The following MTG1 variants were observed in gnomAD, a reference collection of about 807,000 sequenced individuals.
The protein encoded by MTG1 is mitochondrial ribosome-associated GTPase 1.
In MTG1, 30 loss-of-function variants were observed where a neutral mutation model predicts 39.5. That is an observed-to-expected ratio of 0.76 (90% confidence interval 0.57 to 1.03). MTG1 has a LOEUF of 1.03. MTG1 is among the 50% of genes least tolerant of loss of function. The pLI, the probability that MTG1 is intolerant of heterozygous loss-of-function variation, is 0.00. For synonymous variants in MTG1, 217 were observed against 179.0 expected (o/e 1.21, Z -1.69); for missense variants, 513 against 447.4 (o/e 1.15, Z -1.32).
chr10:133,398,685 T>A (rs1849824291), intron 4 of MTG1, among the ~76,000 whole-genome samples, 170 bp downstream of exon 4: 1 of 152,222 alleles, frequency 6.6e-6, no homozygotes, highest in Non-Finnish European at 1.5e-5. Flanking sequence ...GGTCTCCCTG[T>A]ACTGAGGGCA....
Position 133,402,462 on chromosome 10 carries a change from C to A in MTG1, c.670+217C>A. The stretch of plus-strand genomic sequence containing the variant: ...CACCCTGCCCCATGAGTGGCCTTCC[C>A]TTTCCCCATTTGACGGACCAGGGCA... On this transcript the variant is annotated intron_variant, in intron 8 of 10. Coordinates refer to ENST00000317502, the MANE Select transcript of MTG1 (RefSeq NM_138384.4). The surrounding 1 kb of genome is among the most constrained non-coding windows in gnomAD (Gnocchi z 4.7). 1.4e-6 allele frequency: 1 copy of A among 698,496 alleles called. No homozygotes were observed. The allele number at this position is 698,496 out of a possible 1,614,324, so 43.3% of individuals were successfully genotyped here.
Position 133,401,591 on chromosome 10 carries a change from G to C in MTG1, c.573+1G>C. The C allele has an allele frequency of 6.8e-6, 11 of 1,612,904 alleles. No individual in the cohort carries two copies. Among genetic ancestry groups the C allele is most frequent in the Non-Finnish European group, 9.3e-6 (11 of 1,179,244 alleles). ...CAGAGCTGTGATGTCCAAAATTCAG[G>C]TGGAGTCCTCAGGGGCCAGGCCCAG... On this transcript the variant is annotated splice_donor_variant, in intron 7 of 10. Coordinates refer to ENST00000317502, the MANE Select transcript of MTG1 (RefSeq NM_138384.4). LOFTEE classifies it high-confidence loss of function.
intron 2 of MTG1, 51 bp downstream of exon 2, chr10:133,395,828 C>A: frequency 6.4e-7 from 1 of 1,568,406 alleles, no homozygotes; most frequent in South Asian, 1.1e-5. Context: ...TCATATTACA[C>A]ATTAGAATTA....
intron 6 of MTG1, chr10:133,399,928 C>A (rs1040435970): frequency 7.4e-6 from 2 of 271,678 alleles, no homozygotes; most frequent in African/African-American, 4.5e-5. Flanking sequence ...GTGCATGGCT[C>A]ACGCCTGTAA....
chr10:133,395,783 C>G lies in MTG1; in HGVS notation c.177+6C>G. The stretch of plus-strand genomic sequence containing the variant: ...TCGAGGTCCACGATGCCCGGATATC[C>G]TTTCACAGAGCAGGGGAGGCCCCTC... On this transcript the variant is annotated splice_donor_region_variant and intron_variant, in intron 2 of 10. Coordinates refer to ENST00000317502, the MANE Select transcript of MTG1 (RefSeq NM_138384.4). 2 of 1,613,798 alleles carry G rather than the reference C, an allele frequency of 1.2e-6. No individual in the cohort carries two copies. Among genetic ancestry groups the G allele is most frequent in the Non-Finnish European group, 1.7e-6 (2 of 1,179,794 alleles).
In MTG1 at chr10:133,402,828, A is replaced by T. The variant is rs553060234; in HGVS notation, c.752+55A>T. On this transcript the variant is annotated intron_variant, in intron 9 of 10. Transcript: ENST00000317502. This position sits in a 1 kb window ranked among gnomAD's most constrained non-coding sequence, Gnocchi z 4.7. Reference sequence around the variant, plus strand: ...GCCCCTCCTCCTAGTCACCTCATTTAAAAAAAAAAAACAAACAAAAAAACC... The same window carrying T: ...GCCCCTCCTCCTAGTCACCTCATTTTAAAAAAAAAAACAAACAAAAAAACC... 442 of 506,116 alleles carry T rather than the reference A, an allele frequency of 8.7e-4. 1 individual carries two copies. Among genetic ancestry groups the T allele is most frequent in the South Asian group, 8.0e-3 (172 of 21,442 alleles). The allele number at this position is 506,116 out of a possible 1,614,324, so 31.4% of individuals were successfully genotyped here.
chr10:133,394,236 C>A lies in MTG1; in HGVS notation c.16C>A (p.Arg6Ser). The part of the protein sequence containing the change: MRLTP[R>S]ALCSAAQAAW... Reference sequence around the variant, plus strand: ...CGGTGCCGCCATGAGATTGACCCCGCGCGCGCTGTGCAGCGCCGCCCAGGC... The same window carrying A: ...CGGTGCCGCCATGAGATTGACCCCGAGCGCGCTGTGCAGCGCCGCCCAGGC... Residue 6 changes from arginine to serine, a missense_variant, in exon 1 of 11, where the codon CGC becomes AGC. Transcript: ENST00000317502. 6.6e-7 allele frequency: 1 copy of A among 1,516,662 alleles called. No homozygotes were observed. 94.0% of individuals were successfully genotyped at this position (1,516,662 alleles called of 1,614,324 possible).
intron 1 of MTG1, 192 bp downstream of exon 1, chr10:133,394,524 T>C: frequency 7.4e-7 from 1 of 1,343,032 alleles, no homozygotes; most frequent in Non-Finnish European, 9.5e-7. Context: ...CCTGCGCAGC[T>C]GCGGGAGAGG....
chr10:133,409,230 A>G lies in MTG1; in HGVS notation c.752+6457A>G, dbSNP rs113074531. ...TGCTGAATCCCATAGACTTTGATAT[A>G]TGGTGTTTCCATTTCCGTTTGTTTG... is the stretch of plus-strand genomic sequence containing the variant. On this transcript the variant is annotated intron_variant, in intron 9 of 10. Coordinates refer to ENST00000317502, the MANE Select transcript of MTG1 (RefSeq NM_138384.4). Among the ~76,000 whole-genome samples, 363 of 152,122 alleles carry G rather than the reference A, an allele frequency of 2.4e-3. 6 individuals carry two copies. Among genetic ancestry groups the G allele is most frequent in the African/African-American group, 6.1e-3 (255 of 41,486 alleles).
intron 4 of MTG1, among the ~76,000 whole-genome samples, chr10:133,398,901 C>T (rs937805526): frequency 2.0e-5 from 3 of 152,150 alleles, no homozygotes; most frequent in African/African-American, 7.2e-5. Context: ...GGTCCCCGGC[C>T]CCAGAGCTCA....
chr10:133,396,038 C>T (rs902075577), intron 2 of MTG1, 125 bp from the exon 3 acceptor site: 13 of 931,222 alleles, frequency 1.4e-5, no homozygotes, highest in Non-Finnish European at 2.1e-5. Flanking sequence ...TTCCTGCCAA[C>T]TGGGGCTTTT....
chr10:133,416,082 C>T (rs1038446902), intron 9 of MTG1, among the ~76,000 whole-genome samples: 2 of 131,124 alleles, frequency 1.5e-5, no homozygotes, highest in African/African-American at 5.6e-5. Flanking sequence ...TGCCCCACCG[C>T]AGCTCAGTAA....
chr10:133,396,351 G>A (rs1413088126), intron 3 of MTG1, 84 bp downstream of exon 3: 10 of 1,190,760 alleles, frequency 8.4e-6, no homozygotes, highest in Non-Finnish European at 8.7e-6. Context: ...GTTGCCGGAC[G>A]CACACTTGTC....
intron 3 of MTG1, among the ~76,000 whole-genome samples, chr10:133,397,276 C>T (rs1304458648): frequency 6.6e-6 from 1 of 152,052 alleles, no homozygotes; most frequent in South Asian, 2.1e-4. Context: ...AGGGAAGGGC[C>T]CCTTGTCCAG....
chr10:133,402,633 C>T lies in MTG1; in HGVS notation c.671-59C>T, dbSNP rs1589912031. 18 of 1,473,130 alleles carry T rather than the reference C, an allele frequency of 1.2e-5. No homozygotes were observed. Among genetic ancestry groups the T allele is most frequent in the Non-Finnish European group, 1.7e-5 (18 of 1,076,904 alleles). 91.3% of individuals were successfully genotyped at this position (1,473,130 alleles called of 1,614,324 possible). ...TAGGACTGGAAGGGATGTGTTTGAA[C>T]TTGGCAGGAACATAGATGTGGCTGT... On this transcript the variant is annotated intron_variant, in intron 8 of 10. Transcript: ENST00000317502. The surrounding 1 kb of genome is among the most constrained non-coding windows in gnomAD (Gnocchi z 4.7).
chr10:133,418,899 CAG>C (rs939966625), intron 9 of MTG1, among the ~76,000 whole-genome samples: 7 of 152,196 alleles, frequency 4.6e-5, no homozygotes, highest in African/African-American at 1.7e-4. Context: ...TGTGAGGAGT[CAG>C]AGTGCCCGTT....
At position 133,399,112 on chromosome 10, in the gene MTG1, C is replaced by T. The variant is rs1025921512; in HGVS notation, c.364-58C>T. The stretch of plus-strand genomic sequence containing the variant: ...TCCTGTTCTGAGGTGGCAGAAGGAG[C>T]GGGTCAGTGCACAGACGTCCGACCT... On this transcript the variant is annotated intron_variant, in intron 4 of 10. Transcript: ENST00000317502. 1.4e-5 allele frequency: 22 copies of T among 1,581,022 alleles called. No homozygotes were observed. The East Asian group carries it at 2.5e-4, about 18-fold the overall frequency.
At chr10:133,406,543 G>A (rs1849972699) in intron 9 of MTG1, among the ~76,000 whole-genome samples, 2 of 151,396 alleles carry the variant, frequency 1.3e-5, no homozygotes, top group Admixed American at 6.6e-5. Context: ...TATTATTTTT[G>A]CTTTTGTTGC....
At chr10:133,394,518 C>T (rs751944411) in intron 1 of MTG1, 186 bp downstream of exon 1, 328 of 1,326,074 alleles carry the variant, frequency 2.5e-4, no homozygotes, top group Non-Finnish European at 2.9e-4. Flanking sequence ...CCTTCCCCTG[C>T]GCAGCTGCGG....
Sources: allele counts gnomAD v4.1 joint callset (sites outside exome capture counted in the v4.1 genomes callset), GRCh38; gene constraint gnomAD v4.1.1; non-coding constraint Gnocchi (gnomAD v3.1); transcripts MANE v1.5; gene names NCBI Gene and HGNC (gene_info 2026-07-23, HGNC 2026-07-21).